PIWIL2: variants seen among roughly 807,000 people sequenced by gnomAD.
PIWIL2 encodes the protein piwi like RNA-mediated gene silencing 2.
PIWIL2 carries 81 observed loss-of-function variants against 116.5 expected under a neutral mutation model. That is an observed-to-expected ratio of 0.70 (90% CI 0.58 to 0.84). The LOEUF (loss-of-function observed/expected upper bound fraction) is 0.84, where lower values mean the gene tolerates loss of function less well. Ranked by LOEUF, PIWIL2 falls within the 40% of genes least tolerant of loss-of-function variation. PIWIL2 has a pLI of 0.00. For missense variants in PIWIL2, 1,272 were observed against 1,212.3 expected, an observed-to-expected ratio of 1.05 and a Z score of -0.73; for synonymous variants, 489 against 429.5, an observed-to-expected ratio of 1.14 and a Z score of -1.71.
rs1831427702 is a variant in PIWIL2 at position 22,315,162 on chromosome 8, T to C, written c.2208+17T>C. ...ATTCCTCTGGTGAGTGATGCCGAGA[T>C]GGTTCAGTTTGCCTCTCCAGAGAAT... On this transcript the variant is annotated intron_variant, in intron 18 of 22. Transcript: ENST00000356766. 1.5e-6 allele frequency: 2 copies of C among 1,326,834 alleles called. No homozygotes were observed. Among genetic ancestry groups the C allele is most frequent in the African/African-American group, 2.9e-5 (2 of 69,648 alleles). 82.2% of individuals were successfully genotyped at this position (1,326,834 alleles called of 1,614,324 possible). A position where few individuals can be genotyped will look rare whatever the true frequency, so the allele number is the denominator to read the frequency against.
chr8:22,355,548 C>G lies in PIWIL2; in HGVS notation c.*43C>G. On this transcript the variant is annotated 3_prime_UTR_variant, in exon 23 of 23. Transcript: ENST00000356766. ...GGGCTGGTGAGAAGAAAGGCGGCCT[C>G]AGAACTCAGCTGTGACTCTTGCAGA... The G allele has an allele frequency of 1.9e-6, 3 of 1,583,754 alleles. No individual in the cohort carries two copies. The highest frequency in any genetic ancestry group is 2.6e-6 in the Non-Finnish European group (3 of 1,158,876).
intron 20 of PIWIL2, among the ~76,000 whole-genome samples, chr8:22,339,788 A>G (rs1406943014): frequency 1.3e-5 from 2 of 152,148 alleles, no homozygotes; most frequent in Non-Finnish European, 2.9e-5. Context: ...GAAAAACACA[A>G]CCCAATTTTA....
At chr8:22,306,786 G>GT (rs753263009) in intron 13 of PIWIL2, among the ~76,000 whole-genome samples, 1 of 152,100 alleles carries the variant, frequency 6.6e-6, no homozygotes, top group Non-Finnish European at 1.5e-5. Flanking sequence ...CACCTACCTT[G>GT]TAGGTCAAGG....
chr8:22,297,444 ACAAAT>A (rs1194288501), intron 10 of PIWIL2, among the ~76,000 whole-genome samples: 1 of 152,146 alleles, frequency 6.6e-6, no homozygotes, highest in Non-Finnish European at 1.5e-5. Context: ...GTTCCTGTTG[ACAAAT>A]CAATCACCAG....
In PIWIL2 at chr8:22,288,683, A is replaced by G. The variant is rs769389219; in HGVS notation, c.986+17A>G. 1 of 1,602,060 alleles carries G rather than the reference A, an allele frequency of 6.2e-7. No homozygotes were observed. Among genetic ancestry groups the G allele is most frequent in the South Asian group, 1.1e-5 (1 of 89,626 alleles). ...TTTCCGTCGGTAAGAAAACAGCTGA[A>G]GTTCTATTGTCCTGTAACTTCAGTC... On this transcript the variant is annotated intron_variant, in intron 8 of 22. Coordinates refer to ENST00000356766, the MANE Select transcript of PIWIL2 (RefSeq NM_018068.5).
chr8:22,290,086 G>T (rs1041612050), intron 9 of PIWIL2, 147 bp from the exon 10 acceptor site: 3 of 700,126 alleles, frequency 4.3e-6, no homozygotes, highest in Admixed American at 2.8e-5. Flanking sequence ...CAGTAAGTTT[G>T]CAATAATGTC....
At chr8:22,302,719 G>C (rs1831081291) in intron 10 of PIWIL2, among the ~76,000 whole-genome samples, 1 of 152,178 alleles carries the variant, frequency 6.6e-6, no homozygotes, top group South Asian at 2.1e-4. Flanking sequence ...TAATGGATTT[G>C]TGTGTAGATT....
At chr8:22,305,192 T>TA (rs1831146805) in intron 12 of PIWIL2, among the ~76,000 whole-genome samples, 1 of 151,066 alleles carries the variant, frequency 6.6e-6, no homozygotes, top group South Asian at 2.1e-4. Flanking sequence ...TTTATTTATT[T>TA]ATTTATTTAT....
intron 20 of PIWIL2, among the ~76,000 whole-genome samples, chr8:22,332,764 G>A (rs1241479501): frequency 1.3e-5 from 2 of 152,062 alleles, no homozygotes; most frequent in African/African-American, 4.8e-5. Context: ...ACTAGTGAAG[G>A]TGAAAAAAGA....
chr8:22,345,002 AGTTGGGCAGT>A (rs1227806868), intron 20 of PIWIL2, among the ~76,000 whole-genome samples: 2 of 152,186 alleles, frequency 1.3e-5, no homozygotes, highest in African/African-American at 2.4e-5. Context: ...TTTGGAAAAC[AGTTGGGCAGT>A]TCCTTAAAAA....
chr8:22,297,626 G>T (rs1009594866), intron 10 of PIWIL2, among the ~76,000 whole-genome samples: 1 of 152,200 alleles, frequency 6.6e-6, no homozygotes, highest in South Asian at 2.1e-4. Flanking sequence ...AAGGACCCCT[G>T]CAGTGGGGAT....
At chr8:22,349,504 C>T (rs1464681481) in intron 20 of PIWIL2, among the ~76,000 whole-genome samples, 2 of 150,486 alleles carry the variant, frequency 1.3e-5, no homozygotes, top group African/African-American at 4.9e-5. Context: ...CATTTTTCTT[C>T]ACTTTTCAAC....
rs187987077 is a variant in PIWIL2 at position 22,304,279 on chromosome 8, T to C, written c.1370+70T>C. 9.9e-4 allele frequency: 961 copies of C among 974,664 alleles called. 3 individuals are homozygous for C. The highest frequency in any genetic ancestry group is 1.1e-3 in the Non-Finnish European group (682 of 629,540). The allele number at this position is 974,664 out of a possible 1,614,324, so 60.4% of individuals were successfully genotyped here. Reference sequence around the variant, plus strand: ...TGTAGTCCACGTTCTCCAGCAGATATTGAGTTCTGCAATAGCATACCACTT... The same window carrying C: ...TGTAGTCCACGTTCTCCAGCAGATACTGAGTTCTGCAATAGCATACCACTT... On this transcript the variant is annotated intron_variant, in intron 11 of 22. Coordinates refer to ENST00000356766, the MANE Select transcript of PIWIL2 (RefSeq NM_018068.5).
At chr8:22,292,711 C>G (rs933843927) in intron 10 of PIWIL2, among the ~76,000 whole-genome samples, 1 of 152,180 alleles carries the variant, frequency 6.6e-6, no homozygotes, top group South Asian at 2.1e-4. Flanking sequence ...GCTTTATAGA[C>G]AGAAAAGGGC....
intron 5 of PIWIL2, 81 bp downstream of exon 5, chr8:22,283,321 T>C: frequency 8.8e-7 from 1 of 1,133,154 alleles, no homozygotes; most frequent in Non-Finnish European, 1.3e-6. Flanking sequence ...TATTGTAAAA[T>C]CTGTTTGTGT....
chr8:22,313,068 TC>T (rs1831370918), intron 16 of PIWIL2, among the ~76,000 whole-genome samples: 1 of 152,128 alleles, frequency 6.6e-6, no homozygotes, highest in Non-Finnish European at 1.5e-5. Flanking sequence ...GTACATCAGC[TC>T]CCCCATTTCA....
chr8:22,276,662 A>G (rs1490381107), intron 1 of PIWIL2, among the ~76,000 whole-genome samples: 1 of 152,096 alleles, frequency 6.6e-6, no homozygotes. Context: ...GCATTTGGGG[A>G]GTCTGAGGTG....
chr8:22,307,445 G>A (rs895558208), intron 13 of PIWIL2, among the ~76,000 whole-genome samples: 3 of 148,044 alleles, frequency 2.0e-5, no homozygotes, highest in African/African-American at 7.6e-5. Flanking sequence ...AGAGAGAGTC[G>A]ATGACATTTG....
intron 10 of PIWIL2, among the ~76,000 whole-genome samples, chr8:22,296,020 CTTTTT>C (rs67357452): frequency 1.4e-4 from 14 of 102,808 alleles, no homozygotes; most frequent in African/African-American, 4.1e-4. Flanking sequence ...CTCTTCCCTT[CTTTTT>C]TTTTTTTTTT....
Sources: allele counts gnomAD v4.1 joint callset (sites outside exome capture counted in the v4.1 genomes callset), GRCh38; gene constraint gnomAD v4.1.1; transcripts MANE v1.5; gene names NCBI Gene and HGNC (gene_info 2026-07-23, HGNC 2026-07-21).